Variants in HDAC4 observed in about 807,000 individuals in gnomAD.
HDAC4 encodes histone deacetylase 4.
In HDAC4, 16 loss-of-function variants were observed where a neutral mutation model predicts 135.1. That is an observed-to-expected ratio of 0.12 (90% CI 0.08 to 0.18). The LOEUF (loss-of-function observed/expected upper bound fraction) is 0.18. Among genes scored for constraint, HDAC4 ranks in the 10% least tolerant of loss-of-function variants. The pLI is 1.00. For missense variants in HDAC4, 1,143 were observed against 1,511.8 expected (o/e 0.76, Z 4.05); for synonymous variants, 685 against 653.4 (o/e 1.05, Z -0.74).
At position 239,120,395 on chromosome 2, in the gene HDAC4, G is replaced by GCACA. The variant is rs769025619; in HGVS notation, c.1534-5089_1534-5086dup. On this transcript the variant is annotated intron_variant, in intron 12 of 26. Transcript: ENST00000543185. ...TATACCCGCAGAGGCACACACAGAC[G>GCACA]CACACAGACACACACACACAGACAC... Among the ~76,000 whole-genome samples, 5 of 145,314 alleles carry GCACA rather than the reference G, an allele frequency of 3.4e-5. No homozygotes were observed. The South Asian group carries it at 9.1e-4, about 26-fold the overall frequency.
At chr2:239,248,741 A>T (rs1363652424) in intron 2 of HDAC4, among the ~76,000 whole-genome samples, 6 of 152,182 alleles carry the variant, frequency 3.9e-5, no homozygotes, top group Non-Finnish European at 5.9e-5. Flanking sequence ...TCCCCATTTT[A>T]AAGAAGCCAG....
chr2:239,371,471 TCA>T (rs768909080), intron 1 of HDAC4, among the ~76,000 whole-genome samples: 6 of 151,852 alleles, frequency 4.0e-5, no homozygotes, highest in Admixed American at 2.0e-4. Flanking sequence ...ACCCAGGCAC[TCA>T]CACACACTAA....
rs2030869704 is a variant in HDAC4, at chr2:239,051,657, A to ATAAT, written c.*1436_*1439dup. ...GAGACGGGAGCGGTTCTGTTAGAAA[A>ATAAT]TAATTAAAATGAAAGTACAAACTTG... On this transcript the variant is annotated 3_prime_UTR_variant, in exon 27 of 27. Coordinates refer to ENST00000543185, the MANE Select transcript of HDAC4 (RefSeq NM_001378414.1). 1 of 152,660 alleles carries ATAAT rather than the reference A, an allele frequency of 6.6e-6. No individual in the cohort carries two copies. The highest frequency in any genetic ancestry group is 1.5e-5 in the Non-Finnish European group (1 of 68,050). 9.5% of individuals were successfully genotyped at this position (152,660 alleles called of 1,614,324 possible).
In HDAC4 at chr2:239,141,085, G is replaced by GT. The variant is rs1559501674; in HGVS notation, c.866-1290_866-1289insA. The GT allele has an allele frequency of 4.0e-5, 11 of 277,634 alleles. No individual in the cohort carries two copies. Among genetic ancestry groups the GT allele is most frequent in the Non-Finnish European group, 7.9e-5 (10 of 126,560 alleles). 17.2% of individuals were successfully genotyped at this position (277,634 alleles called of 1,614,324 possible). A position where few individuals can be genotyped will look rare whatever the true frequency, so the allele number is the denominator to read the frequency against. ...CATTATGACCCCGTTTCCCAGAAGA[G>GT]GAGATGGAGGCATGGAGCAGCAACA... On this transcript the variant is annotated intron_variant, in intron 8 of 26. Coordinates refer to ENST00000543185, the MANE Select transcript of HDAC4 (RefSeq NM_001378414.1). This position sits in a 1 kb window ranked among gnomAD's most constrained non-coding sequence, Gnocchi z 4.9.
At chr2:239,337,231 G>A (rs969096223) in intron 2 of HDAC4, among the ~76,000 whole-genome samples, 6 of 152,168 alleles carry the variant, frequency 3.9e-5, no homozygotes, top group African/African-American at 1.2e-4. Context: ...GGAGGAAATG[G>A]CAAGGCTCGG....
At chr2:239,369,963 G>A (rs778635753) in intron 1 of HDAC4, among the ~76,000 whole-genome samples, 1 of 152,224 alleles carries the variant, frequency 6.6e-6, no homozygotes. Context: ...TCATAGGACC[G>A]CCACATCCTG....
intron 1 of HDAC4, among the ~76,000 whole-genome samples, chr2:239,355,904 A>G (rs1693462249): frequency 6.6e-6 from 1 of 152,220 alleles, no homozygotes; most frequent in Non-Finnish European, 1.5e-5. Flanking sequence ...GGTTTCACCT[A>G]ACATAGTGCT....
At position 239,240,900 on chromosome 2, in the gene HDAC4, CT is replaced by C. The variant is rs2048139814; in HGVS notation, c.23-4237del. Among the ~76,000 whole-genome samples, 1 of 152,182 alleles carries C rather than the reference CT, an allele frequency of 6.6e-6. No homozygotes were observed. Among genetic ancestry groups the C allele is most frequent in the Non-Finnish European group, 1.5e-5 (1 of 68,042 alleles). ...AGGACTAAGACAGACAGTGCTTTTG[CT>C]TTTCAGAATCCACCTTGCATCAGAC... On this transcript the variant is annotated intron_variant, in intron 2 of 26. Coordinates refer to ENST00000543185, the MANE Select transcript of HDAC4 (RefSeq NM_001378414.1). This position sits in a 1 kb window ranked among gnomAD's most constrained non-coding sequence, Gnocchi z 4.5.
In HDAC4 at chr2:239,115,233, G is replaced by A. The variant is rs779563729; in HGVS notation, c.1611C>T (p.His537=). The change falls in exon 13 of 27, where the codon CAC becomes CAT. Residue 537 remains histidine, a synonymous_variant. Coordinates refer to ENST00000543185, the MANE Select transcript of HDAC4 (RefSeq NM_001378414.1). This position sits in a 1 kb window ranked among gnomAD's most constrained non-coding sequence, Gnocchi z 6.3. ...GGTAGGGCTCGTCCAGCAGAGCCTG[G>A]TGCTCACGGAGCTCCTCCTCCGTCT... is the stretch of plus-strand genomic sequence containing the variant. ...PEETEEELRE[H]QALLDEPYLD... 5.6e-6 allele frequency: 9 copies of A among 1,612,664 alleles called. No homozygotes were observed. In the South Asian group the frequency reaches 8.8e-5, roughly 16 times the overall value.
intron 7 of HDAC4, among the ~76,000 whole-genome samples, chr2:239,150,203 GTACACACACAGACACACAGA>G (rs2042022155): frequency 6.6e-6 from 1 of 151,748 alleles, no homozygotes; most frequent in Non-Finnish European, 1.5e-5. Context: ...AGAAACACAG[GTACACACACAGACACACAGA>G]TACACACACA....
intron 2 of HDAC4, among the ~76,000 whole-genome samples, chr2:239,347,072 C>A (rs1341498833): frequency 6.6e-6 from 1 of 151,920 alleles, no homozygotes; most frequent in African/African-American, 2.4e-5. Flanking sequence ...CTGTCTAAAA[C>A]ACACACCCTA....
chr2:239,397,473 T>C (rs1696642296), intron 1 of HDAC4, among the ~76,000 whole-genome samples: 1 of 152,150 alleles, frequency 6.6e-6, no homozygotes, highest in Non-Finnish European at 1.5e-5. Flanking sequence ...GAAGTCACGG[T>C]GGGGGCAATC....
At chr2:239,088,420 G>A (rs1253490945) in intron 18 of HDAC4, among the ~76,000 whole-genome samples, 2 of 152,254 alleles carry the variant, frequency 1.3e-5, no homozygotes, top group African/African-American at 2.4e-5. Flanking sequence ...GGCGGCAAAC[G>A]CTCTCAAGAG....
intron 22 of HDAC4, among the ~76,000 whole-genome samples, chr2:239,079,241 C>T (rs1245905441): frequency 6.6e-6 from 1 of 152,220 alleles, no homozygotes; most frequent in Non-Finnish European, 1.5e-5. Flanking sequence ...GGCAGGGCAT[C>T]TGTCAACATT....
intron 1 of HDAC4, among the ~76,000 whole-genome samples, chr2:239,377,955 A>G (rs1186410531): frequency 6.6e-6 from 1 of 152,130 alleles, no homozygotes; most frequent in East Asian, 1.9e-4. Context: ...TTTTCCCTGA[A>G]ATAGGAGTTC....
intron 1 of HDAC4, among the ~76,000 whole-genome samples, chr2:239,365,171 T>C (rs1290773560): frequency 1.3e-5 from 2 of 152,274 alleles, no homozygotes; most frequent in African/African-American, 4.8e-5. Flanking sequence ...AGCACTGTTT[T>C]CCTTAGTGAA....
intron 17 of HDAC4, chr2:239,094,358 A>G: frequency 1.0e-6 from 1 of 985,440 alleles, no homozygotes; most frequent in Non-Finnish European, 1.2e-6. Flanking sequence ...GCAGATGCCC[A>G]GACTGGAAAG....
At chr2:239,156,537 A>C in intron 7 of HDAC4, 115 bp downstream of exon 7, 1 of 1,253,152 alleles carries the variant, frequency 8.0e-7, no homozygotes, top group Non-Finnish European at 1.2e-6. Context: ...ATATTTAAAA[A>C]TCTGCAGGTG....
intron 20 of HDAC4, among the ~76,000 whole-genome samples, chr2:239,083,014 CG>C (rs1327680382): frequency 1.3e-5 from 2 of 152,212 alleles, no homozygotes; most frequent in East Asian, 1.9e-4. Context: ...ACAGAAAAGG[CG>C]GAAGGGCAGC....
Sources: allele counts gnomAD v4.1 joint callset (sites outside exome capture counted in the v4.1 genomes callset), GRCh38; gene constraint gnomAD v4.1.1; non-coding constraint Gnocchi (gnomAD v3.1); transcripts MANE v1.5; gene names NCBI Gene and HGNC (gene_info 2026-07-23, HGNC 2026-07-21).